ADAMTS12: variants seen among roughly 807,000 people sequenced by gnomAD.
The protein encoded by ADAMTS12 is A disintegrin and metalloproteinase with thrombospondin motifs 12.
ADAMTS12 carries 118 observed loss-of-function variants against 167.8 expected under a neutral mutation model. The observed-to-expected ratio is 0.70, with a 90% CI of 0.61 to 0.82. ADAMTS12 has a LOEUF of 0.82. Ranked by LOEUF, ADAMTS12 falls within the 40% of genes least tolerant of loss-of-function variation. The pLI, the probability that ADAMTS12 is intolerant of heterozygous loss-of-function variation, is 0.00. For missense variants in ADAMTS12, 1,916 were observed against 1,998.8 expected (o/e 0.96, Z 0.79); for synonymous variants, 704 against 716.9 (o/e 0.98, Z 0.29).
chr5:33,652,705 G>A (rs1167816684), intron 7 of ADAMTS12, among the ~76,000 whole-genome samples: 5 of 151,738 alleles, frequency 3.3e-5, no homozygotes, highest in Non-Finnish European at 7.4e-5. Context: ...TCTTTGCCTG[G>A]ACCAAAAGAG....
chr5:33,747,503 A>G (rs1242160280), intron 3 of ADAMTS12, among the ~76,000 whole-genome samples: 1 of 152,124 alleles, frequency 6.6e-6, no homozygotes, highest in African/African-American at 2.4e-5. Flanking sequence ...AGATGTATTT[A>G]TCTTATTGGT....
chr5:33,663,953 T>C (rs972404339), intron 5 of ADAMTS12, among the ~76,000 whole-genome samples: 3 of 152,308 alleles, frequency 2.0e-5, no homozygotes, highest in Non-Finnish European at 1.5e-5. Flanking sequence ...TAACAAAACA[T>C]ATACAGGATC....
chr5:33,676,794 C>A (rs1306972853), intron 5 of ADAMTS12, among the ~76,000 whole-genome samples: 1 of 152,108 alleles, frequency 6.6e-6, no homozygotes, highest in Non-Finnish European at 1.5e-5. Context: ...TACAGACCCA[C>A]ACATCAGCTG....
intron 2 of ADAMTS12, among the ~76,000 whole-genome samples, chr5:33,865,292 T>C (rs1332871819): frequency 2.0e-5 from 3 of 152,136 alleles, no homozygotes; most frequent in Non-Finnish European, 4.4e-5. Context: ...TCAAGTGGAT[T>C]TCACCCCAGG....
chr5:33,638,105 G>A (rs2112164254), intron 11 of ADAMTS12, among the ~76,000 whole-genome samples: 2 of 152,166 alleles, frequency 1.3e-5, no homozygotes, highest in South Asian at 4.2e-4. Flanking sequence ...TGCCTTCCTT[G>A]GATCCCACAG....
chr5:33,571,347 T>G (rs542203092), intron 19 of ADAMTS12, among the ~76,000 whole-genome samples: 5 of 152,126 alleles, frequency 3.3e-5, no homozygotes, highest in Non-Finnish European at 5.9e-5. Flanking sequence ...TACTTGGAAG[T>G]AAAGCTCTCC....
intron 2 of ADAMTS12, among the ~76,000 whole-genome samples, chr5:33,878,795 A>C (rs939938440): frequency 6.6e-6 from 1 of 152,204 alleles, no homozygotes; most frequent in Non-Finnish European, 1.5e-5. Flanking sequence ...TCTCAGACCA[A>C]TTAAATCAAA....
chr5:33,607,497 T>G (rs1175947607), intron 16 of ADAMTS12, among the ~76,000 whole-genome samples: 1 of 152,186 alleles, frequency 6.6e-6, no homozygotes, highest in Admixed American at 6.5e-5. Flanking sequence ...TTCAGGCTCT[T>G]TTTTGGTTCC....
intron 19 of ADAMTS12, among the ~76,000 whole-genome samples, chr5:33,564,281 A>G (rs1745896510): frequency 6.6e-6 from 1 of 152,240 alleles, no homozygotes; most frequent in Non-Finnish European, 1.5e-5. Flanking sequence ...TTCCAGGGAG[A>G]GGAACCAGCA....
intron 9 of ADAMTS12, among the ~76,000 whole-genome samples, chr5:33,644,751 G>A (rs1467283181): frequency 7.4e-6 from 1 of 135,686 alleles, no homozygotes; most frequent in Non-Finnish European, 1.6e-5. Flanking sequence ...TTTTTTTTTT[G>A]ACAGAGTCTC....
intron 1 of ADAMTS12, chr5:33,891,526 T>A (rs1750852033): frequency 1.5e-6 from 1 of 658,490 alleles, no homozygotes; most frequent in Non-Finnish European, 2.6e-6. Flanking sequence ...CACCTTTCTA[T>A]AAGAATGAAG....
At chr5:33,729,345 C>T (rs1744095319) in intron 3 of ADAMTS12, among the ~76,000 whole-genome samples, 1 of 152,122 alleles carries the variant, frequency 6.6e-6, no homozygotes, top group Non-Finnish European at 1.5e-5. Flanking sequence ...ATAAAGTTGC[C>T]ATATTTGATC....
chr5:33,595,052 C>T (rs1747843780), intron 17 of ADAMTS12, among the ~76,000 whole-genome samples: 1 of 152,150 alleles, frequency 6.6e-6, no homozygotes. Context: ...AATGAAGACT[C>T]TTTCTGGAAA....
At chr5:33,605,865 G>A (rs1738412423) in intron 16 of ADAMTS12, among the ~76,000 whole-genome samples, 1 of 152,166 alleles carries the variant, frequency 6.6e-6, no homozygotes, top group South Asian at 2.1e-4. Flanking sequence ...AGAAATTGAA[G>A]CACAAATAAG....
intron 2 of ADAMTS12, among the ~76,000 whole-genome samples, chr5:33,763,018 C>G (rs1225191832): frequency 6.6e-6 from 1 of 152,092 alleles, no homozygotes; most frequent in Admixed American, 6.5e-5. Context: ...TTGTGAAAAG[C>G]AAGTCAAGGG....
At chr5:33,659,367 T>C (rs1433172460) in intron 6 of ADAMTS12, among the ~76,000 whole-genome samples, 1 of 152,222 alleles carries the variant, frequency 6.6e-6, no homozygotes, top group African/African-American at 2.4e-5. Context: ...CCCAGTCATT[T>C]ACGTAACTTC....
chr5:33,817,088 A>C (rs1747688284), intron 2 of ADAMTS12, among the ~76,000 whole-genome samples: 1 of 152,192 alleles, frequency 6.6e-6, no homozygotes. Context: ...ACTTCTACAC[A>C]AAACAGCTGC....
intron 16 of ADAMTS12, among the ~76,000 whole-genome samples, chr5:33,598,259 T>C (rs772126324): frequency 1.1e-4 from 17 of 152,162 alleles, no homozygotes; most frequent in Non-Finnish European, 1.5e-4. Context: ...AAGCCCAATC[T>C]TCCAATGAGG....
intron 5 of ADAMTS12, among the ~76,000 whole-genome samples, chr5:33,665,197 C>T (rs900653475): frequency 5.3e-5 from 8 of 152,026 alleles, no homozygotes; most frequent in African/African-American, 1.9e-4. Flanking sequence ...TATGTGGAAT[C>T]TATAAAAGTA....
Sources: gnomAD v4.1 joint callset for allele counts (sites outside exome capture counted in the v4.1 genomes callset) on GRCh38, gnomAD v4.1.1 for gene constraint, MANE v1.5 for transcripts, NCBI Gene and HGNC (gene_info 2026-07-23, HGNC 2026-07-21) for gene names.